Variants in NKX6-1 observed in about 807,000 individuals in gnomAD.
NKX6-1 encodes NK6 homeobox 1.
In NKX6-1, 11 loss-of-function variants were observed where a neutral mutation model predicts 24.9. That is an observed-to-expected ratio of 0.44 (90% CI 0.28 to 0.73). NKX6-1 has a LOEUF of 0.73. NKX6-1 is among the 30% of genes least tolerant of loss of function. The pLI is 0.15. For missense variants in NKX6-1, 487 were observed against 502.9 expected (o/e 0.97, Z 0.30); for synonymous variants, 277 against 242.9 (o/e 1.14, Z -1.31).
Position 84,493,220 on chromosome 4 carries a change from C to T in NKX6-1, c.*69G>A, listed in dbSNP as rs933777456. Reference sequence around the variant, plus strand: ...GGAGCGGGCAGGCGCGGCGTGCACGCGGTCCCCGCGCCCCTCGCGGCCCCA... The same window carrying T: ...GGAGCGGGCAGGCGCGGCGTGCACGTGGTCCCCGCGCCCCTCGCGGCCCCA... On this transcript the variant is annotated 3_prime_UTR_variant, in exon 3 of 3. Coordinates refer to ENST00000295886, the MANE Select transcript of NKX6-1 (RefSeq NM_006168.3). The surrounding 1 kb of genome is among the most constrained non-coding windows in gnomAD (Gnocchi z 5.1). The T allele has an allele frequency of 5.2e-6, 7 of 1,355,840 alleles. No individual in the cohort carries two copies. In the African/African-American group the frequency reaches 7.7e-5, roughly 15 times the overall value. The allele number at this position is 1,355,840 out of a possible 1,614,324, so 84.0% of individuals were successfully genotyped here.
rs1720732876 is a variant in NKX6-1 at position 84,491,993 on chromosome 4, CT to C, written c.*1295del. Reference sequence around the variant, plus strand: ...ATTCAAGGCAACAGACGTCTTCAAACTGTTTTTTTTAATTTGATTTATCCTT... The same window carrying C: ...ATTCAAGGCAACAGACGTCTTCAAACGTTTTTTTTAATTTGATTTATCCTT... On this transcript the variant is annotated 3_prime_UTR_variant, in exon 3 of 3. Coordinates refer to ENST00000295886, the MANE Select transcript of NKX6-1 (RefSeq NM_006168.3). The C allele has an allele frequency of 3.3e-5, 5 of 152,130 alleles. No individual in the cohort carries two copies. Among genetic ancestry groups the C allele is most frequent in the Admixed American group, 3.3e-4 (5 of 15,278 alleles). 9.4% of individuals were successfully genotyped at this position (152,130 alleles called of 1,614,324 possible). A position where few individuals can be genotyped will look rare whatever the true frequency, so the allele number is the denominator to read the frequency against.
At chr4:84,495,636 G>C in intron 2 of NKX6-1, 36 bp downstream of exon 2, 2 of 1,589,420 alleles carry the variant, frequency 1.3e-6, no homozygotes, top group Non-Finnish European at 8.6e-7. Flanking sequence ...CGACAGGGGC[G>C]GTACCTATCC....
intron 1 of NKX6-1, chr4:84,496,912 C>G (rs1204823075): frequency 6.6e-6 from 1 of 152,374 alleles, no homozygotes; most frequent in Non-Finnish European, 1.5e-5. Context: ...CGGCTGGAAG[C>G]GCTCGCCCTG....
At position 84,498,176 on chromosome 4, in the gene NKX6-1, C is replaced by T. The variant is rs779882001; in HGVS notation, c.53G>A (p.Ser18Asn). Residue 18 changes from serine to asparagine, a missense_variant, in exon 1 of 3, where the codon AGC (serine) becomes AAC (asparagine). Around this residue, in one of 3 missense-constraint regions of NKX6-1, gnomAD observed 316 missense variants for 311.4 expected, o/e 1.01. Transcript: ENST00000295886. ...EGTRQSAFLL[S>N]SPPLAALHSM... is the part of the protein sequence containing the mutation. ...GTGCAGGGCGGCCAGGGGAGGGCTG[C>T]TGAGCAGGAATGCGCTCTGCCGGGT... 4 of 1,298,232 alleles carry T rather than the reference C, an allele frequency of 3.1e-6. No individual in the cohort carries two copies. The highest frequency in any genetic ancestry group is 2.9e-6 in the Non-Finnish European group (3 of 1,023,064). 80.4% of individuals were successfully genotyped at this position (1,298,232 alleles called of 1,614,324 possible). A position where few individuals can be genotyped will look rare whatever the true frequency, so the allele number is the denominator to read the frequency against.
rs962407503 is a variant in NKX6-1, at chr4:84,498,420, A to G, written c.-192T>C. On this transcript the variant is annotated 5_prime_UTR_variant, in exon 1 of 3. Coordinates refer to ENST00000295886, the MANE Select transcript of NKX6-1 (RefSeq NM_006168.3). ...GCCTAGCTGCGCAGCAGAGATGTCC[A>G]AACCCTCCACGCGGGAGGCGGCAGC... The G allele has an allele frequency of 3.8e-6, 2 of 527,684 alleles. No individual in the cohort carries two copies. Among genetic ancestry groups the G allele is most frequent in the Non-Finnish European group, 2.9e-6 (1 of 345,366 alleles). The allele number at this position is 527,684 out of a possible 1,614,324, so 32.7% of individuals were successfully genotyped here.
Position 84,497,487 on chromosome 4 carries a change from AG to A in NKX6-1, c.670+71del. The A allele has an allele frequency of 1.6e-6, 2 of 1,248,858 alleles. No individual in the cohort carries two copies. The highest frequency in any genetic ancestry group is 2.0e-6 in the Non-Finnish European group (2 of 988,534). 77.4% of individuals were successfully genotyped at this position (1,248,858 alleles called of 1,614,324 possible). A position where few individuals can be genotyped will look rare whatever the true frequency, so the allele number is the denominator to read the frequency against. ...GGATGGACTGAGCGGCATGCACACC[AG>A]GGGCCGCGACCCGGGAGTGGGCAGA... is the stretch of plus-strand genomic sequence containing the variant. On this transcript the variant is annotated intron_variant, in intron 1 of 2. Transcript: ENST00000295886. This position sits in a 1 kb window ranked among gnomAD's most constrained non-coding sequence, Gnocchi z 4.8.
Position 84,493,541 on chromosome 4 carries a change from G to A in NKX6-1, c.852C>T (p.Phe284=). The change falls in exon 3 of 3, where the codon TTC becomes TTT. Residue 284 remains phenylalanine, a synonymous_variant. Coordinates refer to ENST00000295886, the MANE Select transcript of NKX6-1 (RefSeq NM_006168.3). This position sits in a 1 kb window ranked among gnomAD's most constrained non-coding sequence, Gnocchi z 5.1. ...TCCTCCACTTGGTCCGGCGGTTCTG[G>A]AACCAGACCTGAGGGCGGAGAAAAG... ...GMTESQVKVW[F]QNRRTKWRKK... 6.2e-7 allele frequency: 1 copy of A among 1,614,170 alleles called. No individual in the cohort carries two copies. Among genetic ancestry groups the A allele is most frequent in the Non-Finnish European group, 8.5e-7 (1 of 1,180,020 alleles).
Position 84,497,725 on chromosome 4 carries a change from C to A in NKX6-1, c.504G>T (p.Pro168=). The A allele has an allele frequency of 2.4e-6, 3 of 1,257,182 alleles. No homozygotes were observed. The highest frequency in any genetic ancestry group is 3.0e-6 in the Non-Finnish European group (3 of 999,658). 77.9% of individuals were successfully genotyped at this position (1,257,182 alleles called of 1,614,324 possible). Residue 168 remains proline (P), a synonymous_variant, in exon 1 of 3, where the codon CCG becomes CCT. Transcript: ENST00000295886. This position sits in a 1 kb window ranked among gnomAD's most constrained non-coding sequence, Gnocchi z 4.8. ...AGLPRFSSLS[P]PPPPPGLYFS... ...AGTAGAGCCCGGGCGGCGGCGGCGG[C>A]GGGCTCAGGCTGCTAAAGCGTGGCA...
Position 84,493,421 on chromosome 4 carries a change from G to A in NKX6-1, c.972C>T (p.Asp324=). The change falls in exon 3 of 3, where the codon GAC becomes GAT. Residue 324 remains aspartate (D), a synonymous_variant. Coordinates refer to ENST00000295886, the MANE Select transcript of NKX6-1 (RefSeq NM_006168.3). This position sits in a 1 kb window ranked among gnomAD's most constrained non-coding sequence, Gnocchi z 5.1. ...KGASENEEED[D]DYNKPLDPNS... ...TGGGATCCAGAGGCTTATTGTAGTC[G>A]TCGTCCTCTTCCTCGTTCTCCGAGG... is the stretch of plus-strand genomic sequence containing the variant. 6.2e-7 allele frequency: 1 copy of A among 1,614,230 alleles called. No homozygotes were observed. Among genetic ancestry groups the A allele is most frequent in the Non-Finnish European group, 8.5e-7 (1 of 1,180,054 alleles).
chr4:84,497,728 G>A lies in NKX6-1; in HGVS notation c.501C>T (p.Ser167=). 2 of 1,275,050 alleles carry A rather than the reference G, an allele frequency of 1.6e-6. No homozygotes were observed. The highest frequency in any genetic ancestry group is 2.0e-6 in the Non-Finnish European group (2 of 1,010,680). 79.0% of individuals were successfully genotyped at this position (1,275,050 alleles called of 1,614,324 possible). ...LAGLPRFSSL[S]PPPPPPGLYF... is the part of the protein sequence containing the mutation. ...AGAGCCCGGGCGGCGGCGGCGGCGGGCTCAGGCTGCTAAAGCGTGGCAGTC... is the reference window on the plus strand; with the variant it reads ...AGAGCCCGGGCGGCGGCGGCGGCGGACTCAGGCTGCTAAAGCGTGGCAGTC... Residue 167 remains serine, a synonymous_variant, in exon 1 of 3, where the codon AGC becomes AGT. Transcript: ENST00000295886. This position sits in a 1 kb window ranked among gnomAD's most constrained non-coding sequence, Gnocchi z 4.8.
chr4:84,495,613 G>T, intron 2 of NKX6-1, 59 bp downstream of exon 2: 1 of 1,443,456 alleles, frequency 6.9e-7, no homozygotes, highest in Non-Finnish European at 9.6e-7. Flanking sequence ...GTGCCCATGT[G>T]TGCACGCGCG....
At position 84,497,885 on chromosome 4, in the gene NKX6-1, A is replaced by C. The variant is rs906468927; in HGVS notation, c.344T>G (p.Leu115Arg). Residue 115 changes from leucine (L) to arginine (R), a missense_variant, in exon 1 of 3, where the codon CTG becomes CGG. Leu to Arg is a moderately radical substitution (Grantham distance 102, BLOSUM62 -2). Transcript: ENST00000295886. The surrounding 1 kb of genome is among the most constrained non-coding windows in gnomAD (Gnocchi z 4.8). Reference sequence around the variant, plus strand: ...GGAACCGGAGGGCGAGGCGGAGGGCAGGGCGGCCCCCGAGGCCACGGGCAT... The same window carrying C: ...GGAACCGGAGGGCGAGGCGGAGGGCCGGGCGGCCCCCGAGGCCACGGGCAT... ...PSMPVASGAA[L>R]PSASPSGSSS... 1.6e-6 allele frequency: 2 copies of C among 1,280,334 alleles called. No individual in the cohort carries two copies. Among genetic ancestry groups the C allele is most frequent in the Admixed American group, 3.6e-5 (1 of 28,012 alleles). The allele number at this position is 1,280,334 out of a possible 1,614,324, so 79.3% of individuals were successfully genotyped here. A position where few individuals can be genotyped will look rare whatever the true frequency, so the allele number is the denominator to read the frequency against.
In NKX6-1 at chr4:84,493,283, C is replaced by T. The variant is rs764300656; in HGVS notation, c.*6G>A. 4 of 1,359,978 alleles carry T rather than the reference C, an allele frequency of 2.9e-6. No individual in the cohort carries two copies. Among genetic ancestry groups the T allele is most frequent in the East Asian group, 2.8e-5 (1 of 35,098 alleles). The allele number at this position is 1,359,978 out of a possible 1,614,324, so 84.2% of individuals were successfully genotyped here. A position where few individuals can be genotyped will look rare whatever the true frequency, so the allele number is the denominator to read the frequency against. ...GGAGCCGGGAAGGTGCGGCGGGCGGCGGCGTTCAGGATGAGCTCTCCGGCT... is the reference window on the plus strand; with the variant it reads ...GGAGCCGGGAAGGTGCGGCGGGCGGTGGCGTTCAGGATGAGCTCTCCGGCT... On this transcript the variant is annotated 3_prime_UTR_variant, in exon 3 of 3. Transcript: ENST00000295886. The surrounding 1 kb of genome is among the most constrained non-coding windows in gnomAD (Gnocchi z 5.1).
rs1383642095 is a variant in NKX6-1, at chr4:84,497,821, G to A, written c.408C>T (p.Ala136=). 4.8e-5 allele frequency: 61 copies of A among 1,273,726 alleles called. 1 individual carries two copies. In the East Asian group the frequency reaches 1.9e-3, roughly 39 times the overall value. The allele number at this position is 1,273,726 out of a possible 1,614,324, so 78.9% of individuals were successfully genotyped here. ...CGGCAGCAGCCGCGGCGGCGGCAGAGGCGGAGGAGGCAGAGGCGGACGAGG... is the reference window on the plus strand; with the variant it reads ...CGGCAGCAGCCGCGGCGGCGGCAGAAGCGGAGGAGGCAGAGGCGGACGAGG... ...SSSSSASASS[A]SAAAAAAAAA... The change falls in exon 1 of 3, where the codon GCC becomes GCT. Residue 136 remains alanine, a synonymous_variant. Transcript: ENST00000295886. This position sits in a 1 kb window ranked among gnomAD's most constrained non-coding sequence, Gnocchi z 4.8.
Position 84,497,778 on chromosome 4 carries a change from A to C in NKX6-1, c.451T>G (p.Ser151Ala), listed in dbSNP as rs1244537689. ...AAAAAAAAAA[S>A]SPAGLLAGLP... is the part of the protein sequence containing the mutation. ...CCGGCCAGCAGCCCCGCCGGGGATG[A>C]GGCGGCGGCTGCGGCCGCGGCAGCA... The change falls in exon 1 of 3, where the codon TCA (serine) becomes GCA (alanine). Residue 151 changes from serine (S) to alanine (A), a missense_variant. Ser to Ala is a moderately conservative substitution (Grantham distance 99). This residue lies in a region of NKX6-1 where 316 missense variants were observed against 311.4 expected (regional missense o/e 1.01). Transcript: ENST00000295886. This position sits in a 1 kb window ranked among gnomAD's most constrained non-coding sequence, Gnocchi z 4.8. 9 of 1,273,452 alleles carry C rather than the reference A, an allele frequency of 7.1e-6. No individual in the cohort carries two copies. The highest frequency in any genetic ancestry group is 8.9e-6 in the Non-Finnish European group (9 of 1,013,448). The allele number at this position is 1,273,452 out of a possible 1,614,324, so 78.9% of individuals were successfully genotyped here.
chr4:84,495,574 G>C (rs902833113), intron 2 of NKX6-1, 98 bp downstream of exon 2: 1 of 1,082,962 alleles, frequency 9.2e-7, no homozygotes, highest in Admixed American at 2.3e-5. Flanking sequence ...GCGACTGTTT[G>C]TTAGTTTGGG....
chr4:84,495,421 T>G (rs1375056466), intron 2 of NKX6-1, among the ~76,000 whole-genome samples: 1 of 152,184 alleles, frequency 6.6e-6, no homozygotes, highest in Non-Finnish European at 1.5e-5. Context: ...CTATATAGAT[T>G]AACCTAATTT....
chr4:84,498,006 G>T lies in NKX6-1; in HGVS notation c.223C>A (p.Pro75Thr). ...AGGGATGAGAGCCCCCCCGTGGCCG[G>T]GGGCTTCAGGCCGCCTGGGTTGTGG... ...GTHNPGGLKP[P>T]ATGGLSSLGS... is the part of the protein sequence containing the mutation. Residue 75 changes from proline (P) to threonine (T), a missense_variant, in exon 1 of 3, where the codon CCG becomes ACG. By Grantham distance (38) the Pro-to-Thr change is conservative (BLOSUM62 -1). This residue lies in a region of NKX6-1 where 316 missense variants were observed against 311.4 expected (regional missense o/e 1.01). Transcript: ENST00000295886. 7.8e-7 allele frequency: 1 copy of T among 1,279,520 alleles called. No individual in the cohort carries two copies. Among genetic ancestry groups the T allele is most frequent in the Non-Finnish European group, 9.9e-7 (1 of 1,012,112 alleles). The allele number at this position is 1,279,520 out of a possible 1,614,324, so 79.3% of individuals were successfully genotyped here. A position where few individuals can be genotyped will look rare whatever the true frequency, so the allele number is the denominator to read the frequency against.
rs1720805756 is a variant in NKX6-1 at position 84,495,729 on chromosome 4, C to G, written c.786G>C (p.Ala262=). ...AGGCCAAACGAGCCCTCTCGGGCCC[C>G]GCCAAGTATTTTGTTTGTTCGAAAG... ...EKTFEQTKYL[A]GPERARLAYS... is the part of the protein sequence containing the mutation. The change falls in exon 2 of 3, where the codon GCG becomes GCC. Residue 262 remains alanine (A), a synonymous_variant. Coordinates refer to ENST00000295886, the MANE Select transcript of NKX6-1 (RefSeq NM_006168.3). 1 of 1,613,292 alleles carries G rather than the reference C, an allele frequency of 6.2e-7. No homozygotes were observed. The highest frequency in any genetic ancestry group is 8.5e-7 in the Non-Finnish European group (1 of 1,180,052).
Sources: allele counts gnomAD v4.1 joint callset (sites outside exome capture counted in the v4.1 genomes callset), GRCh38; gene constraint gnomAD v4.1.1; regional missense constraint gnomAD v4.1.1; non-coding constraint Gnocchi (gnomAD v3.1); transcripts MANE v1.5; gene names NCBI Gene and HGNC (gene_info 2026-07-23, HGNC 2026-07-21).